MTF2: variants seen among roughly 807,000 people sequenced by gnomAD.
MTF2 encodes metal-response element-binding transcription factor 2.
In MTF2, 11 loss-of-function variants were observed where a neutral mutation model predicts 79.5. The ratio of observed to expected loss-of-function variants is 0.14; its 90% confidence interval spans 0.09 to 0.23. MTF2 has a LOEUF of 0.23. Ranked by LOEUF, MTF2 falls within the 10% of genes least tolerant of loss-of-function variation. The pLI, the probability that MTF2 is intolerant of heterozygous loss-of-function variation, is 1.00. For missense variants in MTF2, 486 were observed against 711.2 expected, an observed-to-expected ratio of 0.68 and a Z score of 3.60; for synonymous variants, 208 against 232.8, an observed-to-expected ratio of 0.89 and a Z score of 0.97.
At chr1:93,113,336 T>C (rs1280962617) in intron 3 of MTF2, among the ~76,000 whole-genome samples, 1 of 151,994 alleles carries the variant, frequency 6.6e-6, no homozygotes, top group Non-Finnish European at 1.5e-5. Flanking sequence ...GCTGTGGCTG[T>C]GCCACTGCAC....
chr1:93,110,804 C>G (rs530253155), intron 3 of MTF2, among the ~76,000 whole-genome samples, 178 bp downstream of exon 3: 1 of 152,162 alleles, frequency 6.6e-6, no homozygotes, highest in Admixed American at 6.6e-5. Context: ...AACAAGAATA[C>G]TCTAGAGGAC....
At chr1:93,114,004 A>ATTT (rs531874560) in intron 3 of MTF2, among the ~76,000 whole-genome samples, 2 of 125,956 alleles carry the variant, frequency 1.6e-5, no homozygotes, top group Non-Finnish European at 1.5e-5. Flanking sequence ...ATTTTGTGTG[A>ATTT]TTTTTTTTTT....
At chr1:93,120,299 A>T in intron 8 of MTF2, 1 of 221,930 alleles carries the variant, frequency 4.5e-6, no homozygotes, top group South Asian at 6.1e-5. Flanking sequence ...CTCTGTCTCC[A>T]AGAAAAAAAA....
intron 11 of MTF2, among the ~76,000 whole-genome samples, chr1:93,130,060 G>GA (rs1351007144): frequency 6.6e-6 from 1 of 152,082 alleles, no homozygotes; most frequent in African/African-American, 2.4e-5. Flanking sequence ...AAAACAAAGG[G>GA]AAAAACTACT....
intron 6 of MTF2, among the ~76,000 whole-genome samples, chr1:93,118,014 C>T (rs1290936606): frequency 3.9e-5 from 6 of 152,122 alleles, no homozygotes; most frequent in Non-Finnish European, 7.3e-5. Context: ...CATAGCAATA[C>T]TTGCCTCTTT....
rs540708560 is a variant in MTF2 at position 93,087,819 on chromosome 1, T to A, written c.5+8288T>A. Reference sequence around the variant, plus strand: ...CCATAGTAGAGCCAGGTATTACCTATCTTTCTTTACAACTTTAAGGAAGTA... The same window carrying A: ...CCATAGTAGAGCCAGGTATTACCTAACTTTCTTTACAACTTTAAGGAAGTA... On this transcript the variant is annotated intron_variant, in intron 1 of 14. Coordinates refer to ENST00000370298, the MANE Select transcript of MTF2 (RefSeq NM_007358.4). 1.8e-4 allele frequency among the ~76,000 whole-genome samples: 27 copies of A among 152,298 alleles called. 1 individual carries two copies. The highest frequency in any genetic ancestry group is 6.3e-4 in the African/African-American group (26 of 41,568).
At chr1:93,114,089 A>C (rs1267232853) in intron 3 of MTF2, among the ~76,000 whole-genome samples, 1 of 151,952 alleles carries the variant, frequency 6.6e-6, no homozygotes, top group African/African-American at 2.4e-5. Context: ...TGGGACCCCC[A>C]AATTTTGTTG....
At chr1:93,094,649 A>G (rs1655207358) in intron 1 of MTF2, among the ~76,000 whole-genome samples, 1 of 151,808 alleles carries the variant, frequency 6.6e-6, no homozygotes, top group Non-Finnish European at 1.5e-5. Flanking sequence ...TACTAGATCT[A>G]GAGGCTTACC....
chr1:93,082,947 G>A (rs1282944314), intron 1 of MTF2, among the ~76,000 whole-genome samples: 1 of 152,182 alleles, frequency 6.6e-6, no homozygotes, highest in African/African-American at 2.4e-5. Context: ...TCATGTAAAT[G>A]GAGTAGTACA....
At chr1:93,088,319 T>G (rs538534810) in intron 1 of MTF2, among the ~76,000 whole-genome samples, 64 of 152,248 alleles carry the variant, frequency 4.2e-4, no homozygotes, top group Non-Finnish European at 7.2e-4. Flanking sequence ...AGTGGCCTTG[T>G]TGGTTTTGGT....
Position 93,106,312 on chromosome 1 carries a change from A to G in MTF2, c.6-3918A>G, listed in dbSNP as rs148410537. On this transcript the variant is annotated intron_variant, in intron 1 of 14. Coordinates refer to ENST00000370298, the MANE Select transcript of MTF2 (RefSeq NM_007358.4). ...AAGAAGGGGATAATTTATTGAAATAATAGCAAAGCATATGAAACTGGGAAT... is the reference window on the plus strand; with the variant it reads ...AAGAAGGGGATAATTTATTGAAATAGTAGCAAAGCATATGAAACTGGGAAT... Among the ~76,000 whole-genome samples the G allele has an allele frequency of 2.3e-3, 345 of 152,350 alleles. 1 individual carries two copies. Among genetic ancestry groups the G allele is most frequent in the African/African-American group, 8.0e-3 (333 of 41,572 alleles).
At chr1:93,099,456 A>G (rs1379480339) in intron 1 of MTF2, among the ~76,000 whole-genome samples, 7 of 152,258 alleles carry the variant, frequency 4.6e-5, no homozygotes, top group Non-Finnish European at 1.5e-5. Flanking sequence ...ATGGTAACCT[A>G]TAAAGGAGTA....
At chr1:93,135,717 C>T (rs954163237) in intron 14 of MTF2, among the ~76,000 whole-genome samples, 5 of 152,108 alleles carry the variant, frequency 3.3e-5, no homozygotes, top group African/African-American at 7.2e-5. Flanking sequence ...GAAGCTGAGG[C>T]GGAGGATTAC....
chr1:93,122,068 CTGAGA>C (rs780823638), intron 9 of MTF2, among the ~76,000 whole-genome samples: 2 of 152,070 alleles, frequency 1.3e-5, no homozygotes, highest in African/African-American at 2.4e-5. Context: ...TCCCAAAGTG[CTGAGA>C]TTACAGGCAT....
intron 1 of MTF2, among the ~76,000 whole-genome samples, chr1:93,086,426 G>A (rs564112158): frequency 6.7e-6 from 1 of 150,060 alleles, no homozygotes; most frequent in African/African-American, 2.4e-5. Flanking sequence ...TTGAACCCAG[G>A]AGGCGGGGGC....
intron 1 of MTF2, among the ~76,000 whole-genome samples, chr1:93,099,495 T>C (rs1224266151): frequency 6.6e-6 from 1 of 152,096 alleles, no homozygotes; most frequent in Non-Finnish European, 1.5e-5. Context: ...GATTTTTCAT[T>C]ATGAATGCTG....
chr1:93,127,198 G>A (rs1285192373), intron 9 of MTF2, 34 bp from the exon 10 acceptor site: 5 of 1,457,962 alleles, frequency 3.4e-6, no homozygotes, highest in Non-Finnish European at 4.8e-6. Context: ...TGATGAAATT[G>A]TAGTGCGTTA....
At position 93,119,399 on chromosome 1, in the gene MTF2, G is replaced by T. The variant is rs763125498; in HGVS notation, c.795G>T (p.Gln265His). The T allele has an allele frequency of 6.3e-6, 10 of 1,595,232 alleles. No homozygotes were observed. In the East Asian group the frequency reaches 2.2e-4, roughly 36 times the overall value. ...GPEYLKRLPL[Q>H]WVDIAHLCLY... Reference sequence around the variant, plus strand: ...AATACCTCAAACGTCTACCATTACAGTGGTAAGTGTGGACCTTTCTGTTAA... The same window carrying T: ...AATACCTCAAACGTCTACCATTACATTGGTAAGTGTGGACCTTTCTGTTAA... Residue 265 changes from glutamine (Q) to histidine (H), a missense_variant and splice_region_variant, in exon 8 of 15, where the codon CAG becomes CAT. By Grantham distance (24) the Gln-to-His change is conservative (BLOSUM62 0). Around this residue, in one of 4 missense-constraint regions of MTF2, gnomAD observed 177 missense variants for 364.0 expected, o/e 0.49. Transcript: ENST00000370298.
chr1:93,085,917 T>G (rs1399559377), intron 1 of MTF2, among the ~76,000 whole-genome samples: 2 of 152,178 alleles, frequency 1.3e-5, no homozygotes, highest in African/African-American at 4.8e-5. Flanking sequence ...AAATAGCATA[T>G]ACATAAACCA....
Sources: gnomAD v4.1 joint callset for allele counts (sites outside exome capture counted in the v4.1 genomes callset) on GRCh38, gnomAD v4.1.1 for gene constraint, gnomAD v4.1.1 regional missense constraint, MANE v1.5 for transcripts, NCBI Gene and HGNC (gene_info 2026-07-23, HGNC 2026-07-21) for gene names.